The following L3MBTL4 variants were observed in gnomAD, a reference collection of about 807,000 sequenced individuals.
The protein encoded by L3MBTL4 is lethal(3)malignant brain tumor-like protein 4.
A neutral mutation model predicts 84.5 loss-of-function variants in L3MBTL4; 70 were observed. The ratio of observed to expected loss-of-function variants is 0.83; its 90% CI spans 0.68 to 1.01. L3MBTL4 has a LOEUF of 1.01. Ranked by LOEUF, L3MBTL4 falls within the 50% of genes least tolerant of loss-of-function variation. The pLI, the probability that L3MBTL4 is intolerant of heterozygous loss-of-function variation, is 0.00. For missense variants in L3MBTL4, 715 were observed against 754.8 expected, an observed-to-expected ratio of 0.95 and a Z score of 0.62; for synonymous variants, 274 against 259.8, an observed-to-expected ratio of 1.05 and a Z score of -0.52.
intron 12 of L3MBTL4, among the ~76,000 whole-genome samples, chr18:6,173,614 T>C (rs2044082469): frequency 6.6e-6 from 1 of 151,970 alleles, no homozygotes; most frequent in African/African-American, 2.4e-5. Context: ...ACCTCATCTC[T>C]ACAAAAAATA....
intron 1 of L3MBTL4, among the ~76,000 whole-genome samples, chr18:6,361,961 T>A (rs72864852): frequency 0.011 from 1,734 of 151,606 alleles, 22 homozygotes; most frequent in South Asian, 0.044. Flanking sequence ...TACTAAAAAT[T>A]AGGCAGGCAT....
At chr18:6,358,957 A>G (rs2053563042) in intron 1 of L3MBTL4, among the ~76,000 whole-genome samples, 1 of 152,198 alleles carries the variant, frequency 6.6e-6, no homozygotes, top group Admixed American at 6.5e-5. Flanking sequence ...TCAGTTTATG[A>G]AAATGTCTTG....
intron 16 of L3MBTL4, among the ~76,000 whole-genome samples, chr18:6,061,969 T>G (rs1025474053): frequency 1.4e-4 from 21 of 152,102 alleles, no homozygotes; most frequent in African/African-American, 5.1e-4. Flanking sequence ...TATACTCACC[T>G]AATTAATTTT....
At chr18:6,064,849 C>T (rs1366599375) in intron 16 of L3MBTL4, among the ~76,000 whole-genome samples, 3 of 151,812 alleles carry the variant, frequency 2.0e-5, no homozygotes, top group South Asian at 4.2e-4. Context: ...ATTTCTTTCC[C>T]TTGTTTGATT....
intron 16 of L3MBTL4, among the ~76,000 whole-genome samples, chr18:6,025,629 C>G (rs890710501): frequency 6.6e-5 from 10 of 152,136 alleles, no homozygotes; most frequent in African/African-American, 2.4e-4. Flanking sequence ...TTTTTGGCAC[C>G]AGGGACCAGA....
rs1329710433 is a variant in L3MBTL4, at chr18:6,093,504, G to A, written c.1224C>T (p.Asp408=). 1.2e-6 allele frequency: 2 copies of A among 1,613,382 alleles called. No homozygotes were observed. Among genetic ancestry groups the A allele is most frequent in the Non-Finnish European group, 1.7e-6 (2 of 1,179,798 alleles). Residue 408 remains aspartate (D), a synonymous_variant, in exon 15 of 19, where the codon GAC becomes GAT. Coordinates refer to ENST00000317931, the MANE Select transcript of L3MBTL4 (RefSeq NM_001330559.2). ...HHSAFGCPYS[D]MNLKKEATLH... Reference sequence around the variant, plus strand: ...GTGTTGCCTCCTTTTTCAAGTTCATGTCTGAATACGGGCAGCCAAAAGCAC... The same window carrying A: ...GTGTTGCCTCCTTTTTCAAGTTCATATCTGAATACGGGCAGCCAAAAGCAC...
At chr18:5,975,225 C>T (rs2052855025) in intron 16 of L3MBTL4, among the ~76,000 whole-genome samples, 1 of 152,182 alleles carries the variant, frequency 6.6e-6, no homozygotes, top group Admixed American at 6.5e-5. Context: ...CCACAGTCTG[C>T]ATGACTGGGC....
At chr18:6,086,318 T>G (rs2058257326) in intron 15 of L3MBTL4, among the ~76,000 whole-genome samples, 1 of 152,226 alleles carries the variant, frequency 6.6e-6, no homozygotes, top group South Asian at 2.1e-4. Context: ...CACTGTTCTG[T>G]GGCATTTAGT....
intron 4 of L3MBTL4, among the ~76,000 whole-genome samples, chr18:6,286,540 T>C (rs1408080823): frequency 6.6e-6 from 1 of 152,136 alleles, no homozygotes; most frequent in Non-Finnish European, 1.5e-5. Flanking sequence ...CTCTTTGTTC[T>C]TCAGACATAC....
chr18:6,291,990 C>T (rs2049886954), intron 4 of L3MBTL4, among the ~76,000 whole-genome samples: 1 of 100,278 alleles, frequency 1.0e-5, no homozygotes, highest in South Asian at 2.9e-4. Flanking sequence ...TCAACACCAA[C>T]ACCACTAACA....
At chr18:6,081,017 C>A (rs2143264798) in intron 15 of L3MBTL4, 66 bp from the exon 16 acceptor site, 1 of 1,212,678 alleles carries the variant, frequency 8.2e-7, no homozygotes. Flanking sequence ...ATCATGATAG[C>A]AGCACAAATT....
chr18:6,016,367 A>C (rs2054979517), intron 16 of L3MBTL4, among the ~76,000 whole-genome samples: 1 of 152,226 alleles, frequency 6.6e-6, no homozygotes, highest in South Asian at 2.1e-4. Context: ...TGATCTGTGT[A>C]ATCTTACCTG....
intron 10 of L3MBTL4, among the ~76,000 whole-genome samples, chr18:6,225,270 T>A (rs2046731209): frequency 6.6e-6 from 1 of 152,128 alleles, no homozygotes; most frequent in East Asian, 1.9e-4. Context: ...TCTATACAAG[T>A]GGGTAAAAAG....
At chr18:6,041,821 C>T (rs2056414410) in intron 16 of L3MBTL4, among the ~76,000 whole-genome samples, 1 of 152,068 alleles carries the variant, frequency 6.6e-6, no homozygotes. Flanking sequence ...ACCTCCCAGG[C>T]TCAAGTGATC....
chr18:6,284,275 A>G (rs1202199916), intron 4 of L3MBTL4, among the ~76,000 whole-genome samples: 1 of 152,206 alleles, frequency 6.6e-6, no homozygotes, highest in East Asian at 1.9e-4. Context: ...AATAACAGCA[A>G]TTTAGCAAAA....
At chr18:6,114,982 T>G (rs1424026004) in intron 14 of L3MBTL4, among the ~76,000 whole-genome samples, 1 of 152,164 alleles carries the variant, frequency 6.6e-6, no homozygotes, top group African/African-American at 2.4e-5. Context: ...CATGGAAACC[T>G]GGTAAGTGAT....
At chr18:6,059,165 G>A (rs954668590) in intron 16 of L3MBTL4, among the ~76,000 whole-genome samples, 4 of 152,182 alleles carry the variant, frequency 2.6e-5, no homozygotes, top group Non-Finnish European at 5.9e-5. Context: ...GACAGTGTCA[G>A]TATGGAGAAG....
At chr18:6,071,744 GGAAAGAAAGAAAGAAAAAAAGAAAGAAA>G (rs2057629933) in intron 16 of L3MBTL4, among the ~76,000 whole-genome samples, 1 of 40,062 alleles carries the variant, frequency 2.5e-5, no homozygotes, top group Admixed American at 2.9e-4. Context: ...AAAGAAGGAA[GGAAAGAAAGAAAGAAAAAAAGAAAGAAA>G]GAAAGAAAGA....
chr18:6,064,485 C>A (rs2057336102), intron 16 of L3MBTL4, among the ~76,000 whole-genome samples: 2 of 152,068 alleles, frequency 1.3e-5, no homozygotes, highest in Admixed American at 1.3e-4. Context: ...TCTTCCCATC[C>A]ATGAGCATGG....
Sources: allele counts gnomAD v4.1 joint callset (sites outside exome capture counted in the v4.1 genomes callset), GRCh38; gene constraint gnomAD v4.1.1; transcripts MANE v1.5; gene names NCBI Gene and HGNC (gene_info 2026-07-23, HGNC 2026-07-21).